Variants in WWOX observed in about 807,000 individuals in gnomAD.
The protein encoded by WWOX is WW domain containing oxidoreductase.
Under a neutral mutation model 46.2 loss-of-function variants are expected in WWOX, and 69 were observed. That is an observed-to-expected ratio of 1.49 (90% CI 1.23 to 1.82). WWOX has a LOEUF of 1.82. Among genes scored for constraint, WWOX ranks in the 40% most tolerant of loss-of-function variants. WWOX has a pLI of 0.00. For synonymous variants in WWOX, 359 were observed against 202.6 expected (o/e 1.77, Z -6.56); for missense variants, 919 against 542.6 (o/e 1.69, Z -6.89).
chr16:79,120,883 C>G (rs573895900), intron 8 of WWOX, among the ~76,000 whole-genome samples: 4 of 152,330 alleles, frequency 2.6e-5, no homozygotes, highest in East Asian at 1.9e-4. Flanking sequence ...ATTCTCCTGC[C>G]GCAGCCTCCT....
intron 5 of WWOX, among the ~76,000 whole-genome samples, chr16:78,234,055 A>G (rs1001944864): frequency 3.3e-5 from 5 of 152,072 alleles, no homozygotes; most frequent in African/African-American, 1.2e-4. Context: ...TGGGACCAGC[A>G]TTTTAATTAC....
At chr16:78,779,637 A>G (rs1485979758) in intron 8 of WWOX, among the ~76,000 whole-genome samples, 1 of 152,194 alleles carries the variant, frequency 6.6e-6, no homozygotes, top group Non-Finnish European at 1.5e-5. Context: ...AAGCTCAGGG[A>G]ATCGTAGCAG....
At chr16:78,767,469 A>AGTGTGTGT in intron 8 of WWOX, among the ~76,000 whole-genome samples, 1 of 114,334 alleles carries the variant, frequency 8.7e-6, no homozygotes, top group East Asian at 2.1e-4. Context: ...TTTCTGTGTG[A>AGTGTGTGT]GTGTGTGTGT....
chr16:78,190,741 G>A (rs2035858791), intron 5 of WWOX, among the ~76,000 whole-genome samples: 1 of 152,182 alleles, frequency 6.6e-6, no homozygotes, highest in South Asian at 2.1e-4. Context: ...CTATGTGGAT[G>A]TCCAACCTGA....
intron 5 of WWOX, among the ~76,000 whole-genome samples, chr16:78,282,545 G>A (rs1169167338): frequency 1.3e-5 from 2 of 152,122 alleles, no homozygotes; most frequent in Non-Finnish European, 2.9e-5. Flanking sequence ...TGGGGGTCAG[G>A]ATGCTTTCAG....
chr16:78,191,290 G>C (rs900556898), intron 5 of WWOX, among the ~76,000 whole-genome samples: 2 of 152,160 alleles, frequency 1.3e-5, no homozygotes, highest in African/African-American at 4.8e-5. Context: ...GGTGCAGGCT[G>C]GGATTTAGCC....
intron 8 of WWOX, among the ~76,000 whole-genome samples, chr16:78,793,562 G>C (rs192898878): frequency 6.6e-6 from 1 of 152,152 alleles, no homozygotes; most frequent in East Asian, 1.9e-4. Flanking sequence ...CTGGTTATTA[G>C]CATAAAACAC....
chr16:78,609,560 C>T (rs2045848932), intron 8 of WWOX, among the ~76,000 whole-genome samples: 1 of 149,672 alleles, frequency 6.7e-6, no homozygotes, highest in African/African-American at 2.5e-5. Context: ...TTTCTTTTTC[C>T]CAGACTCCTC....
chr16:78,607,802 C>A (rs1409694559), intron 8 of WWOX, among the ~76,000 whole-genome samples: 1 of 151,910 alleles, frequency 6.6e-6, no homozygotes, highest in East Asian at 1.9e-4. Flanking sequence ...CTCTTTGGAG[C>A]GTGTCTTTTG....
At chr16:79,138,947 C>T (rs114968029) in intron 8 of WWOX, among the ~76,000 whole-genome samples, 22 of 152,088 alleles carry the variant, frequency 1.4e-4, no homozygotes, top group Admixed American at 6.5e-4. Context: ...ACAGGCAATC[C>T]ATTCACTGCA....
At chr16:78,789,473 C>T (rs1047813286) in intron 8 of WWOX, among the ~76,000 whole-genome samples, 28 of 152,090 alleles carry the variant, frequency 1.8e-4, no homozygotes, top group African/African-American at 6.5e-4. Flanking sequence ...GTAAGTATTT[C>T]TTTCTGGACT....
At chr16:78,725,215 C>A (rs549840246) in intron 8 of WWOX, among the ~76,000 whole-genome samples, 2 of 151,996 alleles carry the variant, frequency 1.3e-5, no homozygotes, top group South Asian at 4.2e-4. Context: ...ATGTGCCTTT[C>A]GCTTTGCACT....
chr16:78,332,723 G>C (rs1218142789), intron 5 of WWOX, among the ~76,000 whole-genome samples: 1 of 152,140 alleles, frequency 6.6e-6, no homozygotes, highest in African/African-American at 2.4e-5. Flanking sequence ...ATAATGTCAT[G>C]ATGACTGAGG....
chr16:78,787,261 A>G (rs1295387334), intron 8 of WWOX, among the ~76,000 whole-genome samples: 1 of 152,198 alleles, frequency 6.6e-6, no homozygotes, highest in Non-Finnish European at 1.5e-5. Flanking sequence ...ATCAGCAGCC[A>G]TTTCAGAACA....
chr16:78,453,398 G>T (rs2083738215), intron 8 of WWOX, among the ~76,000 whole-genome samples: 2 of 151,330 alleles, frequency 1.3e-5, no homozygotes, highest in African/African-American at 4.9e-5. Context: ...ACTTCAGCCT[G>T]GGCGCATGAG....
chr16:79,039,798 CT>C (rs1429556362), intron 8 of WWOX, among the ~76,000 whole-genome samples: 2 of 152,148 alleles, frequency 1.3e-5, no homozygotes, highest in Non-Finnish European at 2.9e-5. Context: ...TTCTCTGAAC[CT>C]TTTTGCGTGC....
chr16:79,012,512 G>C (rs552216325), intron 8 of WWOX, among the ~76,000 whole-genome samples: 2 of 152,272 alleles, frequency 1.3e-5, no homozygotes, highest in East Asian at 3.9e-4. Flanking sequence ...TGGGATTACA[G>C]ACAAGAGCCA....
intron 5 of WWOX, among the ~76,000 whole-genome samples, chr16:78,367,110 G>C (rs1025194632): frequency 1.3e-5 from 2 of 151,250 alleles, no homozygotes; most frequent in African/African-American, 4.9e-5. Flanking sequence ...CTCCTAAGTA[G>C]CTGGTACTAC....
intron 8 of WWOX, among the ~76,000 whole-genome samples, chr16:78,987,661 G>C (rs1460962456): frequency 6.6e-6 from 1 of 152,164 alleles, no homozygotes; most frequent in Admixed American, 6.5e-5. Flanking sequence ...ATATGTCTTT[G>C]TTTCTGTACA....
Sources: gnomAD v4.1 joint callset for allele counts (sites outside exome capture counted in the v4.1 genomes callset) on GRCh38, gnomAD v4.1.1 for gene constraint, MANE v1.5 for transcripts, NCBI Gene and HGNC (gene_info 2026-07-23, HGNC 2026-07-21) for gene names.